The following NRG1 variants were observed in gnomAD, a reference collection of about 807,000 sequenced individuals.
NRG1 encodes the protein pro-neuregulin-1, membrane-bound isoform.
Under a neutral mutation model 63.8 loss-of-function variants are expected in NRG1, and 18 were observed. The observed-to-expected ratio is 0.28, with a 90% CI of 0.19 to 0.42. The LOEUF (loss-of-function observed/expected upper bound fraction) is 0.42, where lower values mean the gene tolerates loss of function less well. Ranked by LOEUF, NRG1 falls within the 10% of genes least tolerant of loss-of-function variation. NRG1 has a pLI of 1.00. For synonymous variants in NRG1, 302 were observed against 301.3 expected (o/e 1.00, Z -0.02); for missense variants, 762 against 814.7 (o/e 0.94, Z 0.79).
At chr8:31,869,605 C>T (rs1042727479) in intron 1 of NRG1, among the ~76,000 whole-genome samples, 1 of 152,168 alleles carries the variant, frequency 6.6e-6, no homozygotes. Context: ...TAAGCTCTTG[C>T]CTCGTTTTTG....
intron 1 of NRG1, among the ~76,000 whole-genome samples, chr8:32,395,026 G>T (rs1812262052): frequency 6.6e-6 from 1 of 152,158 alleles, no homozygotes; most frequent in African/African-American, 2.4e-5. Flanking sequence ...CAGCAAAAGA[G>T]AACGCAAGGA....
intron 1 of NRG1, among the ~76,000 whole-genome samples, chr8:32,483,918 C>T (rs568757103): frequency 4.3e-4 from 65 of 152,194 alleles, no homozygotes; most frequent in African/African-American, 1.2e-3. Context: ...TCCTGGCTAA[C>T]ATGGTGAAAA....
chr8:32,670,724 A>T (rs1445654852), intron 5 of NRG1, among the ~76,000 whole-genome samples: 1 of 152,160 alleles, frequency 6.6e-6, no homozygotes, highest in Non-Finnish European at 1.5e-5. Flanking sequence ...CTCAGACAGC[A>T]TTTGCTACAG....
intron 1 of NRG1, among the ~76,000 whole-genome samples, chr8:31,995,133 T>C (rs982847063): frequency 2.6e-5 from 4 of 151,942 alleles, no homozygotes; most frequent in South Asian, 2.1e-4. Flanking sequence ...AGAATTTCCT[T>C]CCCAGAGTTA....
chr8:32,584,538 A>C (rs758891227), intron 1 of NRG1, among the ~76,000 whole-genome samples: 38 of 152,184 alleles, frequency 2.5e-4, no homozygotes, highest in Admixed American at 5.2e-4. Context: ...CGAGTAAAGA[A>C]GGCTTTCAAT....
intron 1 of NRG1, among the ~76,000 whole-genome samples, chr8:32,448,825 GT>G (rs1282014993): frequency 6.6e-6 from 1 of 152,088 alleles, no homozygotes; most frequent in Non-Finnish European, 1.5e-5. Context: ...AGTGCTCATT[GT>G]TTACTCTATT....
chr8:32,104,992 G>A (rs6468082), intron 1 of NRG1, among the ~76,000 whole-genome samples: 4 of 151,742 alleles, frequency 2.6e-5, no homozygotes, highest in South Asian at 2.1e-4. Context: ...ATACATAAGC[G>A]AATAACAGTT....
At chr8:31,757,538 T>A (rs1316443783) in intron 1 of NRG1, among the ~76,000 whole-genome samples, 1 of 152,128 alleles carries the variant, frequency 6.6e-6, no homozygotes, top group African/African-American at 2.4e-5. Flanking sequence ...TTTCCTGGTT[T>A]TCTCATGGGC....
At chr8:32,054,073 A>G (rs184661413) in intron 1 of NRG1, among the ~76,000 whole-genome samples, 63 of 152,330 alleles carry the variant, frequency 4.1e-4, no homozygotes, top group African/African-American at 1.4e-3. Flanking sequence ...TGCAGTTACA[A>G]TTGAAGATGG....
At chr8:32,604,294 GTCT>G (rs1844881900) in intron 2 of NRG1, among the ~76,000 whole-genome samples, 1 of 152,168 alleles carries the variant, frequency 6.6e-6, no homozygotes, top group Non-Finnish European at 1.5e-5. Flanking sequence ...AGATCAGGGG[GTCT>G]ACATGTGGAA....
At chr8:32,163,613 T>G (rs1316609985) in intron 1 of NRG1, among the ~76,000 whole-genome samples, 1 of 152,156 alleles carries the variant, frequency 6.6e-6, no homozygotes, top group African/African-American at 2.4e-5. Context: ...GAAAGAGAGT[T>G]TCAGAAATGT....
At chr8:31,767,847 CA>C (rs55792550) in intron 1 of NRG1, among the ~76,000 whole-genome samples, 37,709 of 104,376 alleles carry the variant, frequency 0.36, 5,829 homozygotes, top group East Asian at 0.6. Flanking sequence ...AACTCTTTCT[CA>C]AAAAAAAAAA....
intron 11 of NRG1, among the ~76,000 whole-genome samples, chr8:32,761,590 T>C (rs1830677025): frequency 6.6e-6 from 1 of 151,184 alleles, no homozygotes; most frequent in African/African-American, 2.4e-5. Context: ...TATTTTATTT[T>C]ATTTTATTTT....
chr8:32,691,233 G>A lies in NRG1; in HGVS notation c.503-36716G>A, dbSNP rs186558419. On this transcript the variant is annotated intron_variant, in intron 5 of 11. Transcript: ENST00000356819. ...AAATTAGCTGGACATGGTGGCGGGC[G>A]CCTGTGATCCCAGCTACTTGGGAGG... is the stretch of plus-strand genomic sequence containing the variant. Among the ~76,000 whole-genome samples, 485 of 152,124 alleles carry A rather than the reference G, an allele frequency of 3.2e-3. 6 individuals are homozygous for A. Among genetic ancestry groups the A allele is most frequent in the African/African-American group, 0.011 (463 of 41,488 alleles).
At chr8:32,236,707 T>C (rs1163841272) in intron 1 of NRG1, among the ~76,000 whole-genome samples, 2 of 152,190 alleles carry the variant, frequency 1.3e-5, no homozygotes, top group African/African-American at 2.4e-5. Context: ...CATAGAACAC[T>C]TTTCTCTTAA....
At chr8:32,105,887 A>G (rs1327189493) in intron 1 of NRG1, among the ~76,000 whole-genome samples, 1 of 152,216 alleles carries the variant, frequency 6.6e-6, no homozygotes, top group African/African-American at 2.4e-5. Context: ...GCCACTTTGT[A>G]TGACAAATTA....
At chr8:32,433,118 G>A (rs1282300140) in intron 1 of NRG1, among the ~76,000 whole-genome samples, 4 of 152,104 alleles carry the variant, frequency 2.6e-5, no homozygotes, top group Admixed American at 6.6e-5. Context: ...ATTGTGCTGG[G>A]TGGTAAAAAT....
At chr8:32,199,404 C>A (rs1843276682) in intron 1 of NRG1, among the ~76,000 whole-genome samples, 1 of 152,176 alleles carries the variant, frequency 6.6e-6, no homozygotes, top group Non-Finnish European at 1.5e-5. Flanking sequence ...TCTCATCTAT[C>A]ATCCTGAGAC....
chr8:32,559,555 T>C (rs553503657), intron 1 of NRG1, among the ~76,000 whole-genome samples: 2 of 152,308 alleles, frequency 1.3e-5, no homozygotes, highest in South Asian at 2.1e-4. Context: ...TGTTCTTATG[T>C]ACTTTTTATG....
Sources: allele counts gnomAD v4.1 joint callset (sites outside exome capture counted in the v4.1 genomes callset), GRCh38; gene constraint gnomAD v4.1.1; transcripts MANE v1.5; gene names NCBI Gene and HGNC (gene_info 2026-07-23, HGNC 2026-07-21).